Variants in CDH7 observed in about 807,000 individuals in gnomAD.
The protein encoded by CDH7 is cadherin-7.
CDH7 carries 25 observed loss-of-function variants against 71.8 expected under a neutral mutation model. The observed-to-expected ratio is 0.35, with a 90% CI of 0.25 to 0.49. The LOEUF (loss-of-function observed/expected upper bound fraction) is 0.49. CDH7 is among the 20% of genes least tolerant of loss of function. The pLI, the probability that CDH7 is intolerant of heterozygous loss-of-function variation, is 0.99. For missense variants in CDH7, 862 were observed against 974.6 expected (o/e 0.88, Z 1.54); for synonymous variants, 381 against 363.8 (o/e 1.05, Z -0.54).
rs1489928231 is a variant in CDH7 at position 65,890,040 on chromosome 18, T to C, written c.*9146T>C. 1 of 152,130 alleles carries C rather than the reference T, an allele frequency of 6.6e-6. No homozygotes were observed. The highest frequency in any genetic ancestry group is 1.5e-5 in the Non-Finnish European group (1 of 68,026). The allele number at this position is 152,130 out of a possible 1,614,324, so 9.4% of individuals were successfully genotyped here. On this transcript the variant is annotated 3_prime_UTR_variant, in exon 12 of 12. Coordinates refer to ENST00000397968, the MANE Select transcript of CDH7 (RefSeq NM_004361.5). The stretch of plus-strand genomic sequence containing the variant: ...CTCAAGTTATCCTCCTGCCTCTGCC[T>C]CCTTAAATACTGGAATTACAGGTGT...
At chr18:65,791,343 G>C (rs1040797860) in intron 2 of CDH7, among the ~76,000 whole-genome samples, 1 of 152,138 alleles carries the variant, frequency 6.6e-6, no homozygotes, top group Non-Finnish European at 1.5e-5. Context: ...TTCTTTCTAT[G>C]TGATGTTCTT....
intron 3 of CDH7, among the ~76,000 whole-genome samples, chr18:65,810,909 A>G (rs35936323): frequency 6.6e-6 from 1 of 152,182 alleles, no homozygotes; most frequent in Non-Finnish European, 1.5e-5. Flanking sequence ...TCGCGCCATT[A>G]CTAGAAAGAT....
At chr18:65,784,407 A>G (rs1910437074) in intron 2 of CDH7, among the ~76,000 whole-genome samples, 1 of 152,186 alleles carries the variant, frequency 6.6e-6, no homozygotes, top group African/African-American at 2.4e-5. Flanking sequence ...GGAGTGGCCT[A>G]CTATGCTTGA....
intron 2 of CDH7, among the ~76,000 whole-genome samples, chr18:65,764,159 G>GT (rs1568172839): frequency 6.6e-6 from 1 of 151,904 alleles, no homozygotes; most frequent in Non-Finnish European, 1.5e-5. Context: ...TGCATGGGTC[G>GT]TTTTTTCGTT....
Position 65,880,657 on chromosome 18 carries a change from T to C in CDH7, c.2121T>C (p.Phe707=). The change falls in exon 12 of 12, where the codon TTT becomes TTC. Residue 707 remains phenylalanine, a synonymous_variant. Coordinates refer to ENST00000397968, the MANE Select transcript of CDH7 (RefSeq NM_004361.5). ...AAAGCATCCCAGATAATGTCATCTTTAGGGAATTTATTTGGGAAAGATTAA... is the reference window on the plus strand; with the variant it reads ...AAAGCATCCCAGATAATGTCATCTTCAGGGAATTTATTTGGGAAAGATTAA... ...AFKSIPDNVI[F]REFIWERLKE... is the part of the protein sequence containing the mutation. The C allele has an allele frequency of 6.2e-7, 1 of 1,613,996 alleles. No homozygotes were observed. The highest frequency in any genetic ancestry group is 1.1e-5 in the South Asian group (1 of 91,070).
chr18:65,789,059 G>A lies in CDH7; in HGVS notation c.211-20645G>A, dbSNP rs112909189. Among the ~76,000 whole-genome samples the A allele has an allele frequency of 5.4e-3, 817 of 152,186 alleles. 7 individuals carry two copies. Among genetic ancestry groups the A allele is most frequent in the Non-Finnish European group, 6.5e-3 (444 of 68,004 alleles). On this transcript the variant is annotated intron_variant, in intron 2 of 11. Transcript: ENST00000397968. ...TTGTACACCCATGTGGCCATACTGG[G>A]GATTTTAAATATGCAAAGAAATATT...
intron 2 of CDH7, among the ~76,000 whole-genome samples, chr18:65,792,537 G>A (rs1283877007): frequency 6.6e-6 from 1 of 151,928 alleles, no homozygotes; most frequent in Admixed American, 6.6e-5. Flanking sequence ...AAGAATCTAT[G>A]TATCTTCCTT....
Position 65,859,790 on chromosome 18 carries a change from C to A in CDH7, c.1577C>A (p.Thr526Lys). 6.2e-7 allele frequency: 1 copy of A among 1,605,534 alleles called. No homozygotes were observed. Among genetic ancestry groups the A allele is most frequent in the Non-Finnish European group, 8.5e-7 (1 of 1,172,402 alleles). Residue 526 changes from threonine (T) to lysine (K), a missense_variant, in exon 10 of 12, where the codon ACA becomes AAA. Thr to Lys is a moderately conservative substitution (Grantham distance 78). Coordinates refer to ENST00000397968, the MANE Select transcript of CDH7 (RefSeq NM_004361.5). ...QFYFSLTTDA[T>K]NNHNFSLKDN... ...TACTTCAGCTTAACAACGGATGCAA[C>A]AAATAACCACAACTTTTCATTGAAA...
intron 10 of CDH7, among the ~76,000 whole-genome samples, chr18:65,860,974 A>G (rs1026525575): frequency 2.0e-5 from 3 of 152,216 alleles, no homozygotes; most frequent in African/African-American, 7.2e-5. Context: ...AATCATAGTT[A>G]AGAAGGATAA....
intron 2 of CDH7, among the ~76,000 whole-genome samples, chr18:65,790,127 A>G (rs994844946): frequency 1.3e-5 from 2 of 150,568 alleles, no homozygotes; most frequent in African/African-American, 4.9e-5. Flanking sequence ...GTGCTGAGGC[A>G]GGAGAATGGC....
At position 65,830,111 on chromosome 18, in the gene CDH7, T is replaced by C. The variant is rs73966338; in HGVS notation, c.981+5280T>C. Among the ~76,000 whole-genome samples, 800 of 152,222 alleles carry C rather than the reference T, an allele frequency of 5.3e-3. 4 individuals are homozygous for C. Among genetic ancestry groups the C allele is most frequent in the African/African-American group, 0.018 (764 of 41,540 alleles). On this transcript the variant is annotated intron_variant, in intron 6 of 11. Transcript: ENST00000397968. Reference sequence around the variant, plus strand: ...AGAGGTAATCACCTGTGCAGAGACTTCACTTATGAGATAACCTGCTAAATA... The same window carrying C: ...AGAGGTAATCACCTGTGCAGAGACTCCACTTATGAGATAACCTGCTAAATA...
At chr18:65,783,949 T>TTTTATTTA (rs368176137) in intron 2 of CDH7, among the ~76,000 whole-genome samples, 2 of 151,652 alleles carry the variant, frequency 1.3e-5, no homozygotes, top group African/African-American at 2.4e-5. Flanking sequence ...ATGATTTTTA[T>TTTTATTTA]TTTATTTATT....
At position 65,889,976 on chromosome 18, in the gene CDH7, G is replaced by C. The variant is rs868653592; in HGVS notation, c.*9082G>C. The C allele has an allele frequency of 6.6e-6, 1 of 151,842 alleles. No individual in the cohort carries two copies. The highest frequency in any genetic ancestry group is 2.1e-4 in the South Asian group (1 of 4,820). 9.4% of individuals were successfully genotyped at this position (151,842 alleles called of 1,614,324 possible). A position where few individuals can be genotyped will look rare whatever the true frequency, so the allele number is the denominator to read the frequency against. ...CCACTTTTTCTTTTTTTTTGACAAGGTCTCATTATGTTTCCCAGGCTGGCT... is the reference window on the plus strand; with the variant it reads ...CCACTTTTTCTTTTTTTTTGACAAGCTCTCATTATGTTTCCCAGGCTGGCT... On this transcript the variant is annotated 3_prime_UTR_variant, in exon 12 of 12. Transcript: ENST00000397968.
At chr18:65,813,273 G>A (rs1462895019) in intron 3 of CDH7, among the ~76,000 whole-genome samples, 5 of 152,112 alleles carry the variant, frequency 3.3e-5, no homozygotes, top group Non-Finnish European at 7.4e-5. Context: ...TGGAGGTTAC[G>A]GTGAGCCAAG....
chr18:65,767,713 G>A (rs1411629005), intron 2 of CDH7, among the ~76,000 whole-genome samples: 1 of 152,112 alleles, frequency 6.6e-6, no homozygotes, highest in Non-Finnish European at 1.5e-5. Flanking sequence ...TGGAATTCCT[G>A]GTGATTTCAA....
chr18:65,757,684 C>T (rs1916069135), intron 1 of CDH7, among the ~76,000 whole-genome samples: 1 of 152,118 alleles, frequency 6.6e-6, no homozygotes, highest in Admixed American at 6.5e-5. Context: ...GCCCTTCTCT[C>T]CTCAGATATA....
At chr18:65,782,104 TTCC>T (rs1190827152) in intron 2 of CDH7, among the ~76,000 whole-genome samples, 1 of 51,136 alleles carries the variant, frequency 2.0e-5, no homozygotes, top group East Asian at 4.6e-4. Context: ...CCTTCCTTCC[TTCC>T]TTCTTTCTTT....
Position 65,880,600 on chromosome 18 carries a change from A to G in CDH7, c.2064A>G (p.Pro688=), listed in dbSNP as rs777996559. 9.9e-6 allele frequency: 16 copies of G among 1,613,900 alleles called. No homozygotes were observed. Among genetic ancestry groups the G allele is most frequent in the Non-Finnish European group, 1.3e-5 (15 of 1,179,976 alleles). The change falls in exon 12 of 12, where the codon CCA becomes CCG. Residue 688 remains proline, a synonymous_variant. Transcript: ENST00000397968. ...RDTKTRRDVT[P]EIQFLSRPAF... is the part of the protein sequence containing the mutation. ...CCAAGACCCGGAGGGATGTGACTCC[A>G]GAAATTCAATTCCTGAGTCGACCAG...
intron 7 of CDH7, among the ~76,000 whole-genome samples, chr18:65,844,412 T>C (rs77034171): frequency 6.6e-6 from 1 of 151,816 alleles, no homozygotes; most frequent in Non-Finnish European, 1.5e-5. Context: ...GTAGGATACA[T>C]GCATATGTTA....
Sources: gnomAD v4.1 joint callset for allele counts (sites outside exome capture counted in the v4.1 genomes callset) on GRCh38, gnomAD v4.1.1 for gene constraint, MANE v1.5 for transcripts, NCBI Gene and HGNC (gene_info 2026-07-23, HGNC 2026-07-21) for gene names.